Variants in EVC observed in about 807,000 individuals in gnomAD.
EVC encodes the protein EvC ciliary complex subunit 1.
Under a neutral mutation model 118.9 loss-of-function variants are expected in EVC, and 116 were observed. That is an observed-to-expected ratio of 0.98 (90% confidence interval 0.84 to 1.14). The LOEUF is 1.14. Ranked by LOEUF, EVC falls within the 50% of genes most tolerant of loss-of-function variation. EVC has a pLI of 0.00. For synonymous variants in EVC, 619 were observed against 534.7 expected, an observed-to-expected ratio of 1.16 and a Z score of -2.18; for missense variants, 1,401 against 1,246.4, an observed-to-expected ratio of 1.12 and a Z score of -1.87.
chr4:5,801,694 ATGCGGG>A, intron 15 of EVC: 3 of 397,204 alleles, frequency 7.6e-6, no homozygotes, highest in Non-Finnish European at 9.4e-6. Context: ...AAAAAAAAAG[ATGCGGG>A]GAAGGCCTCT....
intron 2 of EVC, among the ~76,000 whole-genome samples, chr4:5,724,644 G>C (rs898915800): frequency 6.6e-6 from 1 of 151,816 alleles, no homozygotes; most frequent in Non-Finnish European, 1.5e-5. Context: ...AGTGACCTCT[G>C]TGGCAGGGTC....
At position 5,794,384 on chromosome 4, in the gene EVC, TA is replaced by T. The variant is rs1287626920; in HGVS notation, c.1886+668del. On this transcript the variant is annotated intron_variant, in intron 13 of 20. Transcript: ENST00000264956. ...GTATTTATATTTATATACATATATA[TA>T]TATTTTTTATATATATATATATTTT... Among the ~76,000 whole-genome samples, 3 of 141,386 alleles carry T rather than the reference TA, an allele frequency of 2.1e-5. No individual in the cohort carries two copies. In the East Asian group the frequency reaches 6.1e-4, roughly 29 times the overall value. The allele number at this position is 141,386 out of a possible 152,430, so 92.8% of individuals were successfully genotyped here. A position where few individuals can be genotyped will look rare whatever the true frequency, so the allele number is the denominator to read the frequency against.
At position 5,742,193 on chromosome 4, in the gene EVC, CAA is replaced by C. The variant is rs552291847; in HGVS notation, c.801+381_801+382del. ...AAAGTTTATTTTGTCTCAGGCGCAG[CAA>C]AGAGTCAGGGCTTGGAGTCAGACTG... On this transcript the variant is annotated intron_variant, in intron 6 of 20. Coordinates refer to ENST00000264956, the MANE Select transcript of EVC (RefSeq NM_153717.3). This position sits in a 1 kb window ranked among gnomAD's most constrained non-coding sequence, Gnocchi z 5.2. Among the ~76,000 whole-genome samples the C allele has an allele frequency of 3.8e-4, 58 of 150,934 alleles. No homozygotes were observed. In the South Asian group the frequency reaches 0.011, roughly 29 times the overall value.
At chr4:5,816,954 T>C (rs1717801505), downstream of EVC, among the ~76,000 whole-genome samples, 2 of 152,156 alleles carry the variant, frequency 1.3e-5, no homozygotes, top group South Asian at 2.1e-4. Context: ...AACTGACTCC[T>C]GTCCATGTTC....
rs1712434679 is a variant in EVC at position 5,789,900 on chromosome 4, G to T, written c.1777-3708G>T. 6.6e-6 allele frequency among the ~76,000 whole-genome samples: 1 copy of T among 152,104 alleles called. No individual in the cohort carries two copies. The highest frequency in any genetic ancestry group is 1.5e-5 in the Non-Finnish European group (1 of 68,020). ...CTCACCTTTCAAAGAATCAAGACTG[G>T]CCAAGCATGGTGGATCACGCCTGTA... On this transcript the variant is annotated intron_variant, in intron 12 of 20. Transcript: ENST00000264956. This position sits in a 1 kb window ranked among gnomAD's most constrained non-coding sequence, Gnocchi z 4.3.
chr4:5,725,391 T>C (rs755865248), intron 2 of EVC, among the ~76,000 whole-genome samples: 1 of 152,172 alleles, frequency 6.6e-6, no homozygotes, highest in Admixed American at 6.5e-5. Flanking sequence ...ATCTGTTGTT[T>C]CTTGACTTTT....
intron 15 of EVC, among the ~76,000 whole-genome samples, chr4:5,800,362 CA>C (rs994918437): frequency 6.6e-6 from 1 of 152,024 alleles, no homozygotes; most frequent in African/African-American, 2.4e-5. Flanking sequence ...AACAAACAAA[CA>C]AAAAACAGAA....
At chr4:5,722,122 G>A (rs1725056803) in intron 2 of EVC, among the ~76,000 whole-genome samples, 1 of 152,160 alleles carries the variant, frequency 6.6e-6, no homozygotes, top group Admixed American at 6.5e-5. Flanking sequence ...AGCATAACCT[G>A]TCTGAGCCTC....
chr4:5,769,311 G>A (rs540925219), intron 11 of EVC, among the ~76,000 whole-genome samples: 3 of 152,088 alleles, frequency 2.0e-5, no homozygotes, highest in Admixed American at 6.5e-5. Context: ...AACAGCATGG[G>A]AAAGACCCAC....
intron 2 of EVC, 37 bp from the exon 3 acceptor site, chr4:5,729,270 G>A (rs780155770): frequency 6.2e-7 from 1 of 1,602,524 alleles, no homozygotes; most frequent in South Asian, 1.1e-5. Flanking sequence ...TCATTTTACA[G>A]AAAGTTTCCC....
At position 5,756,588 on chromosome 4, in the gene EVC, G is replaced by A. The variant is rs1041779932; in HGVS notation, c.1563+226G>A. 6.6e-6 allele frequency among the ~76,000 whole-genome samples: 1 copy of A among 152,196 alleles called. No individual in the cohort carries two copies. Among genetic ancestry groups the A allele is most frequent in the African/African-American group, 2.4e-5 (1 of 41,460 alleles). ...CTCTGAGGCACCGTCCATTTTTGGG[G>A]TGCTGAGGATTCTTATCTCCACACA... On this transcript the variant is annotated intron_variant, in intron 11 of 20. Coordinates refer to ENST00000264956, the MANE Select transcript of EVC (RefSeq NM_153717.3). The surrounding 1 kb of genome is among the most constrained non-coding windows in gnomAD (Gnocchi z 4.2).
At position 5,738,922 on chromosome 4, in the gene EVC, G is replaced by A. The variant is rs566406013; in HGVS notation, c.703-2794G>A. ...TCAGATGATCATTAGCATTTTTTAG[G>A]AAGAAGTTATTTTTAAAATTAAGGT... On this transcript the variant is annotated intron_variant, in intron 5 of 20. Coordinates refer to ENST00000264956, the MANE Select transcript of EVC (RefSeq NM_153717.3). This position sits in a 1 kb window ranked among gnomAD's most constrained non-coding sequence, Gnocchi z 6.5. Among the ~76,000 whole-genome samples the A allele has an allele frequency of 6.6e-6, 1 of 152,108 alleles. No homozygotes were observed. The highest frequency in any genetic ancestry group is 2.1e-4 in the South Asian group (1 of 4,800).
chr4:5,740,470 C>CAAAAAAAAAAAAAAAAAAAA (rs59318619), intron 5 of EVC, among the ~76,000 whole-genome samples: 3 of 105,586 alleles, frequency 2.8e-5, no homozygotes, highest in Non-Finnish European at 4.1e-5. Flanking sequence ...TACTCCATCT[C>CAAAAAAAAAAAAAAAAAAAA]AAAAAAAAAA....
chr4:5,775,086 G>T (rs898476515), intron 11 of EVC, among the ~76,000 whole-genome samples: 2 of 151,994 alleles, frequency 1.3e-5, no homozygotes, highest in African/African-American at 4.8e-5. Context: ...TTTGACCATT[G>T]TGAACAATAA....
chr4:5,825,306 C>G, the EVC span: 132 of 985,194 alleles, frequency 1.3e-4, no homozygotes, highest in Non-Finnish European at 1.5e-4. This position sits in a 1 kb window ranked among gnomAD's most constrained non-coding sequence, Gnocchi z 4.4. Context: ...CATGGACCCC[C>G]CTCTGCTTGG....
intron 2 of EVC, among the ~76,000 whole-genome samples, chr4:5,727,112 G>T (rs1203206796): frequency 6.6e-6 from 1 of 152,040 alleles, no homozygotes; most frequent in Non-Finnish European, 1.5e-5. Flanking sequence ...GGGTCAAATG[G>T]TATTTCCAGT....
chr4:5,760,797 TC>T (rs1731889432), intron 11 of EVC, among the ~76,000 whole-genome samples: 1 of 152,110 alleles, frequency 6.6e-6, no homozygotes, highest in African/African-American at 2.4e-5. Context: ...GGTGATCCAC[TC>T]GCCTTGGCCT....
At chr4:5,726,945 A>C (rs1468534141) in intron 2 of EVC, among the ~76,000 whole-genome samples, 36 of 152,028 alleles carry the variant, frequency 2.4e-4, no homozygotes, top group South Asian at 6.3e-4. Context: ...TGTATATGTG[A>C]CACATTTTCT....
intron 5 of EVC, among the ~76,000 whole-genome samples, chr4:5,740,470 CAA>C (rs59318619): frequency 0.46 from 48,564 of 104,970 alleles, 8,153 homozygotes; most frequent in South Asian, 0.54. Flanking sequence ...TACTCCATCT[CAA>C]AAAAAAAAAA....
Sources: allele counts gnomAD v4.1 joint callset (sites outside exome capture counted in the v4.1 genomes callset), GRCh38; gene constraint gnomAD v4.1.1; non-coding constraint Gnocchi (gnomAD v3.1); transcripts MANE v1.5; gene names NCBI Gene and HGNC (gene_info 2026-07-23, HGNC 2026-07-21).